POSTN: variants seen among roughly 807,000 people sequenced by gnomAD.
The protein encoded by POSTN is periostin, also known as osteoblast specific factor 2 (fasciclin I-like).
POSTN carries 71 observed loss-of-function variants against 104.5 expected under a neutral mutation model. That is an observed-to-expected ratio of 0.68 (90% CI 0.56 to 0.83). The LOEUF is 0.83. Ranked by LOEUF, POSTN falls within the 40% of genes least tolerant of loss-of-function variation. The pLI is 0.00. For synonymous variants in POSTN, 355 were observed against 340.7 expected, an observed-to-expected ratio of 1.04 and a Z score of -0.46; for missense variants, 949 against 1,006.8, an observed-to-expected ratio of 0.94 and a Z score of 0.78.
rs897042480 is a variant in POSTN, at chr13:37,592,436, C to T, written c.219-272G>A. ...GCCTCAACCTCCCGAGTAGCTGGGA[C>T]TACAGGCGCCTACCACCACGCCTGG... On this transcript the variant is annotated intron_variant, in intron 2 of 22. Coordinates refer to ENST00000379747, the MANE Select transcript of POSTN (RefSeq NM_006475.3). Among the ~76,000 whole-genome samples, 48 of 152,020 alleles carry T rather than the reference C, an allele frequency of 3.2e-4. 1 individual carries two copies. Among genetic ancestry groups the T allele is most frequent in the Non-Finnish European group, 7.4e-5 (5 of 67,984 alleles).
intron 8 of POSTN, 119 bp downstream of exon 8, chr13:37,584,597 T>G: frequency 1.2e-6 from 1 of 816,772 alleles, no homozygotes; most frequent in Non-Finnish European, 1.9e-6. Flanking sequence ...GTGTTAGTGC[T>G]TTGCATGCCA....
chr13:37,584,736 T>G lies in POSTN; in HGVS notation c.1088A>C (p.Gln363Pro). ...CTTACCAGAATCAGGAATTAGGACC[T>G]GATCAATCAAATGGATCACACCATT... ...TNNGVIHLID[Q>P]VLIPDSAKQV... Residue 363 changes from glutamine to proline, a missense_variant, in exon 8 of 23, where the codon CAG becomes CCG. Physicochemically the swap from Gln to Pro is moderately conservative, Grantham distance 76 (BLOSUM62 -1). Coordinates refer to ENST00000379747, the MANE Select transcript of POSTN (RefSeq NM_006475.3). 1 of 1,613,774 alleles carries G rather than the reference T, an allele frequency of 6.2e-7. No individual in the cohort carries two copies. The highest frequency in any genetic ancestry group is 8.5e-7 in the Non-Finnish European group (1 of 1,179,782).
chr13:37,568,562 C>T (rs1006310013), intron 21 of POSTN: 1 of 151,796 alleles, frequency 6.6e-6, no homozygotes, highest in Non-Finnish European at 1.5e-5. Flanking sequence ...CAGCTTAATT[C>T]TTTCCTTGTT....
Position 37,595,784 on chromosome 13 carries a change from G to T in POSTN, c.218+1400C>A, listed in dbSNP as rs191435705. ...CCATGTTTTACAGGTAAGTCTACAA[G>T]AAGTTAAGTGATTCCATATTTAGTA... On this transcript the variant is annotated intron_variant, in intron 2 of 22. Coordinates refer to ENST00000379747, the MANE Select transcript of POSTN (RefSeq NM_006475.3). Among the ~76,000 whole-genome samples the T allele has an allele frequency of 2.6e-5, 4 of 151,258 alleles. No individual in the cohort carries two copies. The East Asian group carries it at 7.8e-4, about 29-fold the overall frequency.
intron 10 of POSTN, among the ~76,000 whole-genome samples, chr13:37,581,479 G>C (rs898555594): frequency 9.2e-5 from 14 of 152,174 alleles, no homozygotes; most frequent in Non-Finnish European, 2.9e-5. Context: ...CAGCACATTG[G>C]GAGGCCAAAG....
At chr13:37,586,594 A>G (rs575138304) in intron 6 of POSTN, among the ~76,000 whole-genome samples, 188 bp downstream of exon 6, 1 of 152,204 alleles carries the variant, frequency 6.6e-6, no homozygotes, top group Non-Finnish European at 1.5e-5. Context: ...TTCTTACTCT[A>G]TCATGTCCAC....
At chr13:37,569,634 G>A (rs935740442) in intron 20 of POSTN, 110 bp downstream of exon 20, 5 of 948,710 alleles carry the variant, frequency 5.3e-6, no homozygotes, top group African/African-American at 1.6e-5. Context: ...TGTTGGTATG[G>A]AAATGAACAA....
At chr13:37,572,202 A>G (rs1026580403) in intron 17 of POSTN, among the ~76,000 whole-genome samples, 1 of 151,680 alleles carries the variant, frequency 6.6e-6, no homozygotes, top group African/African-American at 2.4e-5. Context: ...GGAGTAAGAA[A>G]AATAAGTTCA....
intron 8 of POSTN, 63 bp downstream of exon 8, chr13:37,584,653 C>T: frequency 2.3e-6 from 3 of 1,319,588 alleles, no homozygotes; most frequent in Non-Finnish European, 3.2e-6. Context: ...CTCTTTGAGA[C>T]AGCATAATTA....
Position 37,592,157 on chromosome 13 carries a change from A to T in POSTN, c.226T>A (p.Leu76Ile). 6.3e-7 allele frequency: 1 copy of T among 1,592,950 alleles called. No individual in the cohort carries two copies. The highest frequency in any genetic ancestry group is 8.6e-7 in the Non-Finnish European group (1 of 1,161,088). Residue 76 changes from leucine (L) to isoleucine (I), a missense_variant, in exon 3 of 23, where the codon TTA (leucine) becomes ATA (isoleucine). By Grantham distance (5) the Leu-to-Ile change is conservative. Transcript: ENST00000379747. ...KSICGQKTTV[L>I]YECCPGYMRM... The stretch of plus-strand genomic sequence containing the variant: ...ATATAACCAGGGCAACATTCATATA[A>T]CACAGTCCTGTACATAGGAAGAAAA...
chr13:37,571,911 T>G (rs201478833), intron 17 of POSTN, among the ~76,000 whole-genome samples: 1 of 151,608 alleles, frequency 6.6e-6, no homozygotes, highest in Non-Finnish European at 1.5e-5. Flanking sequence ...GTACCTTATA[T>G]TTTTGATCTA....
intron 21 of POSTN, among the ~76,000 whole-genome samples, chr13:37,568,198 T>G (rs1022667311): frequency 1.3e-5 from 2 of 152,054 alleles, no homozygotes; most frequent in Non-Finnish European, 2.9e-5. Flanking sequence ...GGGAGGAAAC[T>G]TGTATTTTTC....
chr13:37,577,335 G>A (rs930606309), intron 16 of POSTN, among the ~76,000 whole-genome samples: 6 of 152,090 alleles, frequency 3.9e-5, no homozygotes, highest in African/African-American at 1.4e-4. Context: ...TCTTCAACAC[G>A]TGCTTCTCAG....
chr13:37,578,714 G>T, intron 15 of POSTN, 130 bp downstream of exon 15: 1 of 685,016 alleles, frequency 1.5e-6, no homozygotes, highest in Non-Finnish European at 2.2e-6. Flanking sequence ...CAGGAGAATG[G>T]AGTGAACATG....
chr13:37,566,833 A>G (rs1201306033), intron 21 of POSTN, among the ~76,000 whole-genome samples: 1 of 152,160 alleles, frequency 6.6e-6, no homozygotes, highest in East Asian at 1.9e-4. Context: ...AGGTCTTGGA[A>G]GTGTATCAGT....
chr13:37,588,175 C>G (rs1218557161), intron 4 of POSTN, among the ~76,000 whole-genome samples, 189 bp from the exon 5 acceptor site: 1 of 152,052 alleles, frequency 6.6e-6, no homozygotes, highest in East Asian at 1.9e-4. Context: ...CAGATACTTA[C>G]TTAAGGATCC....
chr13:37,571,823 G>T (rs911861422), intron 17 of POSTN, among the ~76,000 whole-genome samples: 3 of 151,564 alleles, frequency 2.0e-5, no homozygotes, highest in African/African-American at 7.3e-5. Flanking sequence ...AACTGGTGTA[G>T]ATCCCACTTT....
At chr13:37,580,129 A>G (rs888326146) in intron 11 of POSTN, 138 bp from the exon 12 acceptor site, 5 of 813,616 alleles carry the variant, frequency 6.1e-6, no homozygotes, top group South Asian at 2.2e-5. Flanking sequence ...TGTTTCGAAT[A>G]CAATTTACCT....
At chr13:37,578,480 T>C (rs551952169) in intron 15 of POSTN, among the ~76,000 whole-genome samples, 1 of 151,264 alleles carries the variant, frequency 6.6e-6, no homozygotes, top group South Asian at 2.1e-4. Flanking sequence ...CTGTAATATA[T>C]GTTCTACATA....
Sources: gnomAD v4.1 joint callset for allele counts (sites outside exome capture counted in the v4.1 genomes callset) on GRCh38, gnomAD v4.1.1 for gene constraint, MANE v1.5 for transcripts, NCBI Gene and HGNC (gene_info 2026-07-23, HGNC 2026-07-21) for gene names.